Variants in DENND4C observed in about 807,000 individuals in gnomAD.
DENND4C encodes the protein DENN domain containing 4C.
Under a neutral mutation model 203.0 loss-of-function variants are expected in DENND4C, and 108 were observed. The ratio of observed to expected loss-of-function variants is 0.53; its 90% CI spans 0.46 to 0.62. The LOEUF is 0.62. Ranked by LOEUF, DENND4C falls within the 20% of genes least tolerant of loss-of-function variation. DENND4C has a pLI of 0.00. For missense variants in DENND4C, 2,481 were observed against 2,301.2 expected, an observed-to-expected ratio of 1.08 and a Z score of -1.60; for synonymous variants, 871 against 792.4, an observed-to-expected ratio of 1.10 and a Z score of -1.67.
At chr9:19,293,346 A>G (rs1196187028) in intron 5 of DENND4C, among the ~76,000 whole-genome samples, 1 of 152,226 alleles carries the variant, frequency 6.6e-6, no homozygotes, top group Non-Finnish European at 1.5e-5. Flanking sequence ...AAATAATTAT[A>G]TCTGGGAATA....
In DENND4C at chr9:19,288,606, G is replaced by A. The variant is rs1324768436; in HGVS notation, c.569G>A (p.Ser190Asn). ...KNLNCGMWGS[S>N]VFLCYKKSVP... Reference sequence around the variant, plus strand: ...ATTCATGTTTTACAGTGGGGTTCCAGCGTGTTTCTGTGTTATAAGAAGTCT... The same window carrying A: ...ATTCATGTTTTACAGTGGGGTTCCAACGTGTTTCTGTGTTATAAGAAGTCT... Residue 190 changes from serine (S) to asparagine (N), a missense_variant, in exon 4 of 33, where the codon AGC becomes AAC. Ser to Asn is a conservative substitution (Grantham distance 46). This residue lies in a region of DENND4C where 2,289 missense variants were observed against 2,113.3 expected (regional missense o/e 1.08). Coordinates refer to ENST00000434457, the MANE Select transcript of DENND4C (RefSeq NM_001330640.2). 3.2e-6 allele frequency: 4 copies of A among 1,231,496 alleles called. No individual in the cohort carries two copies. Among genetic ancestry groups the A allele is most frequent in the Non-Finnish European group, 4.0e-6 (4 of 987,726 alleles). 76.3% of individuals were successfully genotyped at this position (1,231,496 alleles called of 1,614,324 possible). A position where few individuals can be genotyped will look rare whatever the true frequency, so the allele number is the denominator to read the frequency against.
At chr9:19,236,406 GA>G (rs1352374200) in intron 1 of DENND4C, among the ~76,000 whole-genome samples, 1 of 152,190 alleles carries the variant, frequency 6.6e-6, no homozygotes, top group African/African-American at 2.4e-5. Context: ...GTGAAGTAAT[GA>G]AAAAATGTGA....
intron 1 of DENND4C, among the ~76,000 whole-genome samples, chr9:19,244,279 C>T (rs1035585772): frequency 8.5e-5 from 13 of 152,150 alleles, no homozygotes; most frequent in Non-Finnish European, 1.8e-4. Context: ...CATCCACCCA[C>T]CTTGGCCTCC....
chr9:19,340,536 C>T (rs1483602532), intron 20 of DENND4C, among the ~76,000 whole-genome samples: 1 of 152,150 alleles, frequency 6.6e-6, no homozygotes, highest in Admixed American at 6.5e-5. Flanking sequence ...ATAAGCCATA[C>T]ATAGAGAAGT....
chr9:19,313,859 A>G (rs2095041300), intron 10 of DENND4C, among the ~76,000 whole-genome samples: 2 of 152,110 alleles, frequency 1.3e-5, no homozygotes, highest in Admixed American at 1.3e-4. Context: ...CTCAGGGGAG[A>G]TCCCTCCCCT....
intron 2 of DENND4C, among the ~76,000 whole-genome samples, chr9:19,283,806 G>C (rs1194035409): frequency 6.6e-6 from 1 of 151,610 alleles, no homozygotes; most frequent in African/African-American, 2.4e-5. Context: ...TGTTGGTCAG[G>C]CTGGTTGCGA....
rs1826570538 is a variant in DENND4C, at chr9:19,361,908, T to A, written c.5469T>A (p.Asn1823Lys). 6.2e-7 allele frequency: 1 copy of A among 1,612,804 alleles called. No individual in the cohort carries two copies. Among genetic ancestry groups the A allele is most frequent in the Admixed American group, 1.7e-5 (1 of 59,994 alleles). The change falls in exon 30 of 33, where the codon AAT becomes AAA. Residue 1823 changes from asparagine to lysine, a missense_variant. By Grantham distance (94) the Asn-to-Lys change is moderately conservative. Transcript: ENST00000434457. ...KLVYIQLLWD[N>K]INLHQEPREP... ...TGTATATTCAGCTGTTATGGGATAA[T>A]ATCAACCTTCATCAGGAACCAAGAG...
Position 19,263,501 on chromosome 9 carries a change from C to T in DENND4C, c.-17-12657C>T, listed in dbSNP as rs191919434. 3.0e-3 allele frequency among the ~76,000 whole-genome samples: 460 copies of T among 151,376 alleles called. 2 individuals are homozygous for T. The highest frequency in any genetic ancestry group is 5.0e-3 in the Non-Finnish European group (338 of 67,862). On this transcript the variant is annotated intron_variant, in intron 1 of 32. Transcript: ENST00000434457. ...CCTCCCAAGGAGCTGGGATTACAGG[C>T]GTGCGCCACCGTGCCCTGCTAATTT...
intron 9 of DENND4C, among the ~76,000 whole-genome samples, chr9:19,304,742 G>C (rs1790765150): frequency 6.7e-6 from 1 of 148,706 alleles, no homozygotes; most frequent in Admixed American, 6.7e-5. Flanking sequence ...GTAGAGACGG[G>C]GTTTCACCTT....
intron 5 of DENND4C, among the ~76,000 whole-genome samples, chr9:19,295,515 GA>G (rs911980033): frequency 7.5e-5 from 11 of 147,168 alleles, no homozygotes; most frequent in African/African-American, 1.2e-4. Flanking sequence ...AAAAAAAAAG[GA>G]AAAAAAAAAT....
chr9:19,269,457 C>T (rs557031270), intron 1 of DENND4C, among the ~76,000 whole-genome samples: 14 of 152,168 alleles, frequency 9.2e-5, no homozygotes, highest in Non-Finnish European at 2.1e-4. Flanking sequence ...CCGTGTCCGG[C>T]CCCTTGACTG....
At position 19,350,674 on chromosome 9, in the gene DENND4C, A is replaced by T. The variant is rs773574323; in HGVS notation, c.4318-28A>T. 3.2e-6 allele frequency: 5 copies of T among 1,587,188 alleles called. No homozygotes were observed. The Admixed American group carries it at 8.9e-5, about 28-fold the overall frequency. On this transcript the variant is annotated intron_variant, in intron 23 of 32. Coordinates refer to ENST00000434457, the MANE Select transcript of DENND4C (RefSeq NM_001330640.2). ...CCACTGGAGAAGGTATTATTTATGT[A>T]TGTGGAATTTTTTTTTTTCAATTAA... is the stretch of plus-strand genomic sequence containing the variant.
intron 1 of DENND4C, among the ~76,000 whole-genome samples, chr9:19,266,996 T>G (rs913772153): frequency 3.3e-5 from 5 of 152,038 alleles, no homozygotes; most frequent in African/African-American, 1.2e-4. Flanking sequence ...TTCAGTTTTG[T>G]TTTTTTTAAT....
chr9:19,281,614 T>C (rs1198723508), intron 2 of DENND4C, among the ~76,000 whole-genome samples: 4 of 152,220 alleles, frequency 2.6e-5, no homozygotes, highest in Non-Finnish European at 4.4e-5. Context: ...TAAGTTAAAA[T>C]ATGTAAAATC....
chr9:19,301,173 C>T (rs774084816), intron 9 of DENND4C, among the ~76,000 whole-genome samples: 20 of 148,632 alleles, frequency 1.3e-4, no homozygotes, highest in Non-Finnish European at 2.5e-4. Flanking sequence ...AGTGAAACTC[C>T]GTCTCAAAAA....
intron 12 of DENND4C, among the ~76,000 whole-genome samples, chr9:19,323,547 C>G (rs370383905): frequency 3.3e-5 from 5 of 152,068 alleles, no homozygotes; most frequent in African/African-American, 4.8e-5. Flanking sequence ...AATCAGATGC[C>G]TTGGTCTTCA....
At chr9:19,277,508 A>G (rs970865556) in intron 2 of DENND4C, among the ~76,000 whole-genome samples, 4 of 152,140 alleles carry the variant, frequency 2.6e-5, no homozygotes, top group African/African-American at 9.7e-5. Context: ...TTTGTGTGCT[A>G]ATCTTGCACT....
chr9:19,372,001 A>C, intron 32 of DENND4C, 36 bp from the exon 33 acceptor site: 1 of 1,595,530 alleles, frequency 6.3e-7, no homozygotes, highest in Non-Finnish European at 8.5e-7. Flanking sequence ...GTCTTTCTTA[A>C]CAAATTACAA....
intron 1 of DENND4C, among the ~76,000 whole-genome samples, chr9:19,231,921 A>G (rs1320405498): frequency 6.6e-6 from 1 of 152,084 alleles, no homozygotes; most frequent in Non-Finnish European, 1.5e-5. Flanking sequence ...AGAGGGGAGA[A>G]CGTTAGTGCT....
Sources: gnomAD v4.1 joint callset for allele counts (sites outside exome capture counted in the v4.1 genomes callset) on GRCh38, gnomAD v4.1.1 for gene constraint, gnomAD v4.1.1 regional missense constraint, MANE v1.5 for transcripts, NCBI Gene and HGNC (gene_info 2026-07-23, HGNC 2026-07-21) for gene names.